PCNT: variants seen among roughly 807,000 people sequenced by gnomAD.
PCNT encodes pericentrin, also known as kendrin.
Under a neutral mutation model 380.4 loss-of-function variants are expected in PCNT, and 319 were observed. The observed-to-expected ratio is 0.84, with a 90% CI of 0.77 to 0.92. The LOEUF (loss-of-function observed/expected upper bound fraction) is 0.92. Ranked by LOEUF, PCNT falls within the 40% of genes least tolerant of loss-of-function variation. The pLI is 0.00. For missense variants in PCNT, 4,400 were observed against 4,255.3 expected (o/e 1.03, Z -0.95); for synonymous variants, 1,845 against 1,735.2 (o/e 1.06, Z -1.57).
Position 46,431,575 on chromosome 21 carries a change from T to C in PCNT, c.8111T>C (p.Leu2704Pro). The C allele has an allele frequency of 6.2e-7, 1 of 1,614,060 alleles. No individual in the cohort carries two copies. The highest frequency in any genetic ancestry group is 8.5e-7 in the Non-Finnish European group (1 of 1,179,960). ...LETQRAQSSR[L>P]CVALKHEQTA... is the part of the protein sequence containing the mutation. ...ACACAGCGTGCTCAGAGCAGTCGAC[T>C]CTGCGTGGCACTGAAACACGAGCAG... The change falls in exon 38 of 47, where the codon CTC (leucine) becomes CCC (proline). Residue 2704 changes from leucine to proline, a missense_variant. Physicochemically the swap from Leu to Pro is moderately conservative, Grantham distance 98. Transcript: ENST00000359568.
At chr21:46,346,243 G>GGGCTCT in intron 4 of PCNT, 35 bp downstream of exon 4, 10 of 1,514,902 alleles carry the variant, frequency 6.6e-6, no homozygotes, top group Non-Finnish European at 7.3e-6. Flanking sequence ...CTCACAGCAT[G>GGGCTCT]GGCTCTGTTA....
chr21:46,397,963 G>A, intron 22 of PCNT, 51 bp from the exon 23 acceptor site: 5 of 1,443,226 alleles, frequency 3.5e-6, no homozygotes, highest in Non-Finnish European at 4.7e-6. Flanking sequence ...TCGCTGCAAG[G>A]GGCACGCCAG....
rs185108683 is a variant in PCNT, at chr21:46,388,571, C to T, written c.3465-171C>T. On this transcript the variant is annotated intron_variant, in intron 17 of 46. Transcript: ENST00000359568. This position sits in a 1 kb window ranked among gnomAD's most constrained non-coding sequence, Gnocchi z 4.2. ...CTCCACGTGGTTGTCTTGTCTGTGG[C>T]CTCAGCTTCCTGTGCTCACATGGGC... 2.0e-4 allele frequency among the ~76,000 whole-genome samples: 30 copies of T among 152,350 alleles called. No individual in the cohort carries two copies. The highest frequency in any genetic ancestry group is 3.5e-4 in the Non-Finnish European group (24 of 68,028).
chr21:46,374,389 C>G (rs898222755), intron 15 of PCNT, among the ~76,000 whole-genome samples: 3 of 152,242 alleles, frequency 2.0e-5, no homozygotes, highest in African/African-American at 7.2e-5. Context: ...TCTCTTCTGG[C>G]TGGCTCACAT....
chr21:46,371,929 G>T (rs62224219), intron 15 of PCNT, among the ~76,000 whole-genome samples: 3 of 142,092 alleles, frequency 2.1e-5, no homozygotes, highest in East Asian at 2.1e-4. Context: ...CAGCACATGC[G>T]CATGCTCACA....
At chr21:46,377,032 G>A (rs1281694524) in intron 15 of PCNT, among the ~76,000 whole-genome samples, 1 of 152,202 alleles carries the variant, frequency 6.6e-6, no homozygotes, top group African/African-American at 2.4e-5. Context: ...CAAGTTCCAG[G>A]CCGGCGCGGG....
At chr21:46,353,705 C>G (rs1420021009) in intron 10 of PCNT, among the ~76,000 whole-genome samples, 2 of 146,570 alleles carry the variant, frequency 1.4e-5, no homozygotes, top group African/African-American at 5.2e-5. Context: ...GGCAGGGGCA[C>G]TCTCCTCCAG....
At chr21:46,349,566 G>T in intron 7 of PCNT, 118 bp from the exon 8 acceptor site, 1 of 1,089,556 alleles carries the variant, frequency 9.2e-7, no homozygotes, top group Non-Finnish European at 1.4e-6. Context: ...AGGGGCCCGG[G>T]GGCGCCCAGG....
At chr21:46,422,157 A>C in intron 32 of PCNT, 33 bp downstream of exon 32, 2 of 1,611,754 alleles carry the variant, frequency 1.2e-6, no homozygotes, top group Non-Finnish European at 1.7e-6. Flanking sequence ...TCACAGCTTC[A>C]CATGTGCAGC....
In PCNT at chr21:46,411,634, C is replaced by T; in HGVS notation, c.5561C>T (p.Ser1854Phe). Residue 1854 changes from serine (S) to phenylalanine (F), a missense_variant, in exon 28 of 47, where the codon TCC becomes TTC. Ser to Phe is a radical substitution (Grantham distance 155). Transcript: ENST00000359568. ...GAGGCTGAGGTCGAAGACATGGCCT[C>T]CCGGATCCAGGAGTTCGAAGCGGCC... Reference protein sequence around the residue: ...LREAEVEDMASRIQEFEAALK... With the variant: ...LREAEVEDMAFRIQEFEAALK... 1 of 1,613,080 alleles carries T rather than the reference C, an allele frequency of 6.2e-7. No homozygotes were observed. Among genetic ancestry groups the T allele is most frequent in the Non-Finnish European group, 8.5e-7 (1 of 1,179,882 alleles).
intron 9 of PCNT, among the ~76,000 whole-genome samples, chr21:46,351,940 C>T (rs1330723314): frequency 6.6e-6 from 1 of 152,248 alleles, no homozygotes; most frequent in Non-Finnish European, 1.5e-5. Context: ...CTGCCAGGCT[C>T]CTGTGGCCCC....
chr21:46,431,908 CCCTG>C lies in PCNT; in HGVS notation c.8446_8449del (p.Leu2816IlefsTer23). ...ATGCTTGAAAAGGTGCAGCAGCAAG[CCCTG>C]CATTCTCAGCAGCAGCTTGAGGCTG... On this transcript the variant is annotated frameshift_variant, in exon 38 of 47. Transcript: ENST00000359568. LOFTEE classifies it high-confidence loss of function. 6.2e-7 allele frequency: 1 copy of C among 1,614,050 alleles called. No individual in the cohort carries two copies. The highest frequency in any genetic ancestry group is 1.3e-5 in the African/African-American group (1 of 75,056).
rs750522404 is a variant in PCNT, at chr21:46,431,632, G to GT, written c.8169dup (p.Ile2724TyrfsTer19). 3 of 1,613,828 alleles carry GT rather than the reference G, an allele frequency of 1.9e-6. No individual in the cohort carries two copies. In the African/African-American group the frequency reaches 4.0e-5, roughly 22 times the overall value. Reference sequence around the variant, plus strand: ...AAGGACAACCTGCAGAAGGAGCTGCGTATCGAGCACTCACGCTGCGAGGCC... The same window carrying GT: ...AAGGACAACCTGCAGAAGGAGCTGCGTTATCGAGCACTCACGCTGCGAGGCC... On this transcript the variant is annotated frameshift_variant, in exon 38 of 47. Coordinates refer to ENST00000359568, the MANE Select transcript of PCNT (RefSeq NM_006031.6). LOFTEE classifies it high-confidence loss of function.
At chr21:46,397,954 C>A in intron 22 of PCNT, 60 bp from the exon 23 acceptor site, 2 of 1,359,612 alleles carry the variant, frequency 1.5e-6, no homozygotes, top group East Asian at 2.5e-5. Context: ...GGTGGACCTT[C>A]GCTGCAAGGG....
chr21:46,421,872 A>T (rs989387311), intron 31 of PCNT, 98 bp from the exon 32 acceptor site: 1 of 1,318,462 alleles, frequency 7.6e-7, no homozygotes, highest in Admixed American at 1.9e-5. Context: ...GTCGCTGGGG[A>T]CTGCGGGCCG....
At chr21:46,429,946 TG>T in intron 35 of PCNT, 63 bp from the exon 36 acceptor site, 1 of 1,333,640 alleles carries the variant, frequency 7.5e-7, no homozygotes, top group Non-Finnish European at 1.1e-6. Context: ...GTCTCTAACC[TG>T]GTGTCACTTG....
intron 22 of PCNT, 87 bp from the exon 23 acceptor site, chr21:46,397,927 C>T (rs192281341): frequency 2.6e-5 from 24 of 937,992 alleles, no homozygotes; most frequent in Middle Eastern, 3.2e-4. Flanking sequence ...TGCACTTGTA[C>T]GTGCAGTGGA....
At chr21:46,376,758 A>G (rs1393549957) in intron 15 of PCNT, among the ~76,000 whole-genome samples, 1 of 152,206 alleles carries the variant, frequency 6.6e-6, no homozygotes, top group Non-Finnish European at 1.5e-5. Flanking sequence ...CAGGAGACGC[A>G]CTGCTGATGG....
chr21:46,343,917 T>C (rs1413734101), intron 3 of PCNT, among the ~76,000 whole-genome samples: 3 of 152,198 alleles, frequency 2.0e-5, no homozygotes, highest in African/African-American at 7.2e-5. Context: ...AAGGTGTTCA[T>C]AGTGGCCTTG....
Sources: gnomAD v4.1 joint callset for allele counts (sites outside exome capture counted in the v4.1 genomes callset) on GRCh38, gnomAD v4.1.1 for gene constraint, Gnocchi (gnomAD v3.1) non-coding constraint, MANE v1.5 for transcripts, NCBI Gene and HGNC (gene_info 2026-07-23, HGNC 2026-07-21) for gene names.